Variants in LGSN observed in about 807,000 individuals in gnomAD.
LGSN encodes the protein lengsin.
In LGSN, 21 loss-of-function variants were observed where a neutral mutation model predicts 19.5. That is an observed-to-expected ratio of 1.07 (90% confidence interval 0.76 to 1.55). The LOEUF (loss-of-function observed/expected upper bound fraction) is 1.55, where lower values mean the gene tolerates loss of function less well. LGSN is among the 40% of genes most tolerant of loss of function. LGSN has a pLI of 0.00. For synonymous variants in LGSN, 257 were observed against 215.6 expected, an observed-to-expected ratio of 1.19 and a Z score of -1.68; for missense variants, 673 against 608.5, an observed-to-expected ratio of 1.11 and a Z score of -1.12.
chr6:63,515,593 G>A, the LGSN span, among the ~76,000 whole-genome samples: 1 of 152,164 alleles, frequency 6.6e-6, no homozygotes, highest in Non-Finnish European at 1.5e-5. Flanking sequence ...AAGCAACATA[G>A]CAATCTTGAG....
At chr6:63,456,377 A>ATATATG in the LGSN span, among the ~76,000 whole-genome samples, 2 of 37,922 alleles carry the variant, frequency 5.3e-5, no homozygotes, top group African/African-American at 1.1e-4. Flanking sequence ...ATATATATAT[A>ATATATG]TATATATATA....
At chr6:63,434,468 T>C in the LGSN span, among the ~76,000 whole-genome samples, 1 of 148,032 alleles carries the variant, frequency 6.8e-6, no homozygotes, top group Non-Finnish European at 1.5e-5. Flanking sequence ...GAAGAAGTTG[T>C]GACCTTTGGG....
chr6:63,495,456 C>CTT, the LGSN span, among the ~76,000 whole-genome samples: 34 of 77,732 alleles, frequency 4.4e-4, no homozygotes, highest in Admixed American at 5.8e-4. Flanking sequence ...TTTTCTTTTT[C>CTT]TTTTTTTTTT....
At chr6:63,441,070 G>C in the LGSN span, 1 of 169,528 alleles carries the variant, frequency 5.9e-6, no homozygotes, top group African/African-American at 2.4e-5. Context: ...TTTGCCAGGC[G>C]TGGTGGTGCA....
the LGSN span, among the ~76,000 whole-genome samples, chr6:63,542,044 TGTGTGTG>T: frequency 7.6e-4 from 116 of 151,766 alleles, no homozygotes; most frequent in Non-Finnish European, 1.3e-3. Context: ...TGTGTGTGTG[TGTGTGTG>T]TGTGTGTGTG....
chr6:63,302,661 G>A (rs1455275613), intron 1 of LGSN, among the ~76,000 whole-genome samples: 1 of 152,184 alleles, frequency 6.6e-6, no homozygotes, highest in Non-Finnish European at 1.5e-5. Context: ...GAGGTTCATG[G>A]TTCAAGTCAA....
the LGSN span, among the ~76,000 whole-genome samples, chr6:63,391,443 G>A: frequency 6.6e-6 from 1 of 152,186 alleles, no homozygotes; most frequent in Non-Finnish European, 1.5e-5. Flanking sequence ...GTAAACTTCT[G>A]TTGCTTTTTC....
chr6:63,491,837 C>A, the LGSN span, among the ~76,000 whole-genome samples: 1 of 152,224 alleles, frequency 6.6e-6, no homozygotes, highest in African/African-American at 2.4e-5. Context: ...TCAAGACCAG[C>A]CTGGCCATGG....
the LGSN span, among the ~76,000 whole-genome samples, chr6:63,472,663 G>A: frequency 0.012 from 1,890 of 152,254 alleles, 32 homozygotes; most frequent in African/African-American, 0.042. Context: ...AATTCGGGCC[G>A]GGCGCGGTGG....
the LGSN span, among the ~76,000 whole-genome samples, chr6:63,536,538 C>A: frequency 1.3e-5 from 2 of 152,104 alleles, no homozygotes; most frequent in Admixed American, 6.6e-5. Flanking sequence ...CAGGAATTTT[C>A]GTGGGGAACA....
At chr6:63,357,627 C>G in the LGSN span, among the ~76,000 whole-genome samples, 1 of 152,200 alleles carries the variant, frequency 6.6e-6, no homozygotes, top group Admixed American at 6.5e-5. Flanking sequence ...GCATAAATGT[C>G]TTCTTTTGAG....
the LGSN span, among the ~76,000 whole-genome samples, chr6:63,542,501 G>A: frequency 6.6e-6 from 1 of 151,792 alleles, no homozygotes. Flanking sequence ...CCAAGTCACA[G>A]CAAAACTTTT....
chr6:63,424,200 T>C, the LGSN span, among the ~76,000 whole-genome samples: 1 of 152,094 alleles, frequency 6.6e-6, no homozygotes, highest in Non-Finnish European at 1.5e-5. Context: ...TGTATACATA[T>C]AAATTTGAAA....
intron 1 of LGSN, among the ~76,000 whole-genome samples, chr6:63,296,672 C>T (rs1225765625): frequency 6.6e-6 from 1 of 151,988 alleles, no homozygotes; most frequent in Non-Finnish European, 1.5e-5. Flanking sequence ...TAAACTTTAA[C>T]ATCTCTTTCA....
intron 2 of LGSN, among the ~76,000 whole-genome samples, chr6:63,291,947 G>A (rs1321614559): frequency 2.6e-5 from 4 of 152,166 alleles, no homozygotes; most frequent in African/African-American, 9.7e-5. Flanking sequence ...CCAGCTGAAG[G>A]CAGAAAAGGG....
At chr6:63,513,214 G>C in the LGSN span, among the ~76,000 whole-genome samples, 6 of 152,130 alleles carry the variant, frequency 3.9e-5, no homozygotes, top group African/African-American at 1.4e-4. Context: ...AGAAAGAAAT[G>C]GTAAAGGACA....
chr6:63,302,924 C>T (rs1385493037), intron 1 of LGSN, among the ~76,000 whole-genome samples: 13 of 151,948 alleles, frequency 8.6e-5, no homozygotes, highest in Non-Finnish European at 1.5e-4. Context: ...GTCAGGAGTT[C>T]GAGTCCAGCC....
chr6:63,351,406 T>A, the LGSN span, among the ~76,000 whole-genome samples: 38 of 150,560 alleles, frequency 2.5e-4, no homozygotes, highest in East Asian at 1.9e-3. Flanking sequence ...TCTGTGTGTG[T>A]CTGTGTGTGT....
chr6:63,524,528 C>T, the LGSN span, among the ~76,000 whole-genome samples: 1 of 151,846 alleles, frequency 6.6e-6, no homozygotes, highest in Admixed American at 6.6e-5. Context: ...AATTTTAATT[C>T]CTATATGAAT....
Sources: gnomAD v4.1 joint callset for allele counts (sites outside exome capture counted in the v4.1 genomes callset) on GRCh38, gnomAD v4.1.1 for gene constraint, MANE v1.5 for transcripts, NCBI Gene and HGNC (gene_info 2026-07-23, HGNC 2026-07-21) for gene names.